The following FBXO34 variants were observed in gnomAD, a reference collection of about 807,000 sequenced individuals.
The protein encoded by FBXO34 is F-box only protein 34.
In FBXO34, 12 loss-of-function variants were observed where a neutral mutation model predicts 24.5. That is an observed-to-expected ratio of 0.49 (90% CI 0.31 to 0.79). The LOEUF is 0.79. Ranked by LOEUF, FBXO34 falls within the 30% of genes least tolerant of loss-of-function variation. The pLI, the probability that FBXO34 is intolerant of heterozygous loss-of-function variation, is 0.04. For missense variants in FBXO34, 823 were observed against 857.7 expected, an observed-to-expected ratio of 0.96 and a Z score of 0.51; for synonymous variants, 320 against 311.9, an observed-to-expected ratio of 1.03 and a Z score of -0.27.
At chr14:55,344,460 C>G (rs1235526382) in intron 1 of FBXO34, among the ~76,000 whole-genome samples, 1 of 151,870 alleles carries the variant, frequency 6.6e-6, no homozygotes, top group African/African-American at 2.4e-5. Flanking sequence ...CCTCCTGTTT[C>G]TCTTGACCAG....
At chr14:55,299,950 TC>T (rs1362095419) in intron 1 of FBXO34, among the ~76,000 whole-genome samples, 8 of 152,186 alleles carry the variant, frequency 5.3e-5, no homozygotes, top group African/African-American at 1.9e-4. Flanking sequence ...CCCTCCAACT[TC>T]CCCCTCCTGA....
intron 1 of FBXO34, among the ~76,000 whole-genome samples, chr14:55,336,300 A>G (rs1005610631): frequency 1.3e-5 from 2 of 152,178 alleles, no homozygotes; most frequent in Non-Finnish European, 2.9e-5. Flanking sequence ...TAATGGGTGT[A>G]GAATAGGGCA....
At chr14:55,377,898 T>C in the FBXO34 span, 23 of 1,604,678 alleles carry the variant, frequency 1.4e-5, no homozygotes, top group African/African-American at 2.8e-4. Context: ...TGATCTAAAT[T>C]TACATGCTAA....
chr14:55,400,882 T>C, the FBXO34 span, among the ~76,000 whole-genome samples: 4 of 151,210 alleles, frequency 2.6e-5, no homozygotes, highest in Non-Finnish European at 4.4e-5. Flanking sequence ...CCAGCCTGGG[T>C]GACAGAGTGA....
the FBXO34 span, among the ~76,000 whole-genome samples, chr14:55,403,790 C>A: frequency 1.3e-5 from 2 of 152,126 alleles, no homozygotes; most frequent in East Asian, 3.9e-4. Context: ...AATAGAGGCA[C>A]CTTTATGTGG....
At chr14:55,426,528 G>A in the FBXO34 span, among the ~76,000 whole-genome samples, 1 of 151,996 alleles carries the variant, frequency 6.6e-6, no homozygotes, top group Non-Finnish European at 1.5e-5. Context: ...AATTAGAGAG[G>A]CCTCATGTTA....
chr14:55,290,307 G>A (rs1272067732), intron 1 of FBXO34, among the ~76,000 whole-genome samples: 2 of 151,760 alleles, frequency 1.3e-5, no homozygotes, highest in African/African-American at 4.8e-5. Flanking sequence ...CAGGAGAATC[G>A]TTTCAACCCG....
intron 1 of FBXO34, among the ~76,000 whole-genome samples, chr14:55,284,985 A>C (rs1365263554): frequency 6.7e-6 from 1 of 149,086 alleles, no homozygotes; most frequent in Non-Finnish European, 1.5e-5. Context: ...TCTTGCTTTT[A>C]ATTGTCCTAT....
chr14:55,326,759 T>A (rs1262386640), intron 1 of FBXO34, among the ~76,000 whole-genome samples: 1 of 152,210 alleles, frequency 6.6e-6, no homozygotes, highest in Non-Finnish European at 1.5e-5. Context: ...TACATTTTAT[T>A]TTTAGGAGAA....
intron 1 of FBXO34, among the ~76,000 whole-genome samples, chr14:55,309,709 C>T (rs2139739554): frequency 6.6e-6 from 1 of 152,236 alleles, no homozygotes; most frequent in Non-Finnish European, 1.5e-5. Context: ...GCTTGCTTGA[C>T]TGTTAGTAAT....
At chr14:55,321,665 G>A (rs533545742) in intron 1 of FBXO34, among the ~76,000 whole-genome samples, 43 of 152,148 alleles carry the variant, frequency 2.8e-4, no homozygotes, top group Non-Finnish European at 4.1e-4. Flanking sequence ...CCAAAGTGTT[G>A]GGATTACAGG....
the FBXO34 span, among the ~76,000 whole-genome samples, chr14:55,411,274 A>C: frequency 3.3e-5 from 5 of 152,268 alleles, no homozygotes; most frequent in Non-Finnish European, 1.5e-5. Flanking sequence ...CATACAGCAA[A>C]GAGCTGGGAA....
the FBXO34 span, among the ~76,000 whole-genome samples, chr14:55,433,124 G>A: frequency 6.6e-6 from 1 of 151,818 alleles, no homozygotes; most frequent in African/African-American, 2.4e-5. Context: ...GGATATGTCA[G>A]TATTTTATTA....
the FBXO34 span, among the ~76,000 whole-genome samples, chr14:55,441,625 A>C: frequency 6.6e-6 from 1 of 152,234 alleles, no homozygotes; most frequent in Non-Finnish European, 1.5e-5. Context: ...GTTGCTGCAC[A>C]GTTAGGGTTG....
chr14:55,338,985 C>T (rs557245063), intron 1 of FBXO34, among the ~76,000 whole-genome samples: 7 of 151,826 alleles, frequency 4.6e-5, no homozygotes, highest in African/African-American at 1.4e-4. Flanking sequence ...AAAATCCTTG[C>T]CATAAAACTT....
chr14:55,395,967 C>T, the FBXO34 span: 1 of 1,593,486 alleles, frequency 6.3e-7, no homozygotes, highest in Non-Finnish European at 8.5e-7. Flanking sequence ...ATTTTCCTTC[C>T]ATAGCTTTTA....
At chr14:55,302,719 G>A (rs1882407063) in intron 1 of FBXO34, among the ~76,000 whole-genome samples, 1 of 151,272 alleles carries the variant, frequency 6.6e-6, no homozygotes, top group South Asian at 2.1e-4. Context: ...TTAGAAAGTA[G>A]TGCTAAGTGC....
chr14:55,413,383 A>G, the FBXO34 span, among the ~76,000 whole-genome samples: 1 of 152,200 alleles, frequency 6.6e-6, no homozygotes, highest in Non-Finnish European at 1.5e-5. Context: ...TGAAACTCCT[A>G]TATGTTGCTA....
chr14:55,276,587 C>T (rs1188198082), intron 1 of FBXO34, among the ~76,000 whole-genome samples: 1 of 152,022 alleles, frequency 6.6e-6, no homozygotes, highest in African/African-American at 2.4e-5. Flanking sequence ...TCAAAATTCT[C>T]TCGGCCCCGA....
Sources: allele counts gnomAD v4.1 joint callset (sites outside exome capture counted in the v4.1 genomes callset), GRCh38; gene constraint gnomAD v4.1.1; transcripts MANE v1.5; gene names NCBI Gene and HGNC (gene_info 2026-07-23, HGNC 2026-07-21).